ADAMTS2: variants seen among roughly 807,000 people sequenced by gnomAD.
ADAMTS2 encodes A disintegrin and metalloproteinase with thrombospondin motifs 2.
Under a neutral mutation model 123.0 loss-of-function variants are expected in ADAMTS2, and 50 were observed. That is an observed-to-expected ratio of 0.41 (90% CI 0.32 to 0.51). The LOEUF is 0.51. Ranked by LOEUF, ADAMTS2 falls within the 20% of genes least tolerant of loss-of-function variation. The pLI, the probability that ADAMTS2 is intolerant of heterozygous loss-of-function variation, is 0.35. For missense variants in ADAMTS2, 1,494 were observed against 1,705.2 expected (o/e 0.88, Z 2.18); for synonymous variants, 678 against 695.4 (o/e 0.98, Z 0.39).
At chr5:179,232,663 C>A (rs2113433091) in intron 3 of ADAMTS2, among the ~76,000 whole-genome samples, 1 of 152,320 alleles carries the variant, frequency 6.6e-6, no homozygotes, top group Admixed American at 6.5e-5. Context: ...CAGGTCCTGC[C>A]ACTCAGACGA....
rs555909124 is a variant in ADAMTS2 at position 179,156,263 on chromosome 5, C to T, written c.1133-1344G>A. On this transcript the variant is annotated intron_variant, in intron 6 of 21. Coordinates refer to ENST00000251582, the MANE Select transcript of ADAMTS2 (RefSeq NM_014244.5). ...TCTTATTAGATAGAGTGTGCCTCCT[C>T]GATGGAGGGTCTGTCTCCTAACTTT... 2.0e-4 allele frequency among the ~76,000 whole-genome samples: 31 copies of T among 151,796 alleles called. 1 individual carries two copies. Among genetic ancestry groups the T allele is most frequent in the Non-Finnish European group, 3.8e-4 (26 of 68,006 alleles).
At chr5:179,302,566 C>T (rs1039562479) in intron 2 of ADAMTS2, among the ~76,000 whole-genome samples, 1 of 151,960 alleles carries the variant, frequency 6.6e-6, no homozygotes, top group Non-Finnish European at 1.5e-5. Context: ...CCAGCAGCAC[C>T]GATAGATGTG....
intron 3 of ADAMTS2, among the ~76,000 whole-genome samples, chr5:179,226,826 C>T (rs1765302085): frequency 6.6e-6 from 1 of 152,144 alleles, no homozygotes. Context: ...GTAAGGATAT[C>T]CACGGCTGCA....
intron 8 of ADAMTS2, among the ~76,000 whole-genome samples, 192 bp from the exon 9 acceptor site, chr5:179,153,815 G>A (rs956178852): frequency 4.6e-5 from 7 of 152,156 alleles, no homozygotes; most frequent in East Asian, 1.9e-4. Flanking sequence ...TGGCTTGAGC[G>A]GACCCCAGGG....
chr5:179,328,874 T>A (rs1272386284), intron 2 of ADAMTS2, among the ~76,000 whole-genome samples: 1 of 152,178 alleles, frequency 6.6e-6, no homozygotes, highest in Admixed American at 6.5e-5. Flanking sequence ...CATGAAGATG[T>A]CGTTCATTTG....
At chr5:179,259,523 G>A (rs900559351) in intron 3 of ADAMTS2, among the ~76,000 whole-genome samples, 6 of 152,216 alleles carry the variant, frequency 3.9e-5, no homozygotes, top group Non-Finnish European at 7.3e-5. Context: ...CAACCGCGCA[G>A]GGAACAGTGG....
chr5:179,343,255 T>C (rs1272954846), intron 2 of ADAMTS2, among the ~76,000 whole-genome samples: 7 of 152,100 alleles, frequency 4.6e-5, no homozygotes, highest in Admixed American at 4.6e-4. Flanking sequence ...ACCACACACA[T>C]ATCACGCCAG....
rs1763602478 is a variant in ADAMTS2, at chr5:179,162,140, T to G, written c.976-3261A>C. On this transcript the variant is annotated intron_variant, in intron 5 of 21. Coordinates refer to ENST00000251582, the MANE Select transcript of ADAMTS2 (RefSeq NM_014244.5). The surrounding 1 kb of genome is among the most constrained non-coding windows in gnomAD (Gnocchi z 5.1). ...CCTGCCCTCAGGGTCCTAAGCCCCA[T>G]GTAGTGGGACGGTCCCTTCCGATGC... Among the ~76,000 whole-genome samples the G allele has an allele frequency of 1.3e-5, 2 of 152,174 alleles. No individual in the cohort carries two copies. Among genetic ancestry groups the G allele is most frequent in the South Asian group, 4.1e-4 (2 of 4,830 alleles).
intron 2 of ADAMTS2, among the ~76,000 whole-genome samples, chr5:179,295,734 C>T (rs1397870841): frequency 1.3e-5 from 2 of 152,196 alleles, no homozygotes; most frequent in East Asian, 1.9e-4. Flanking sequence ...CCGTCCATGG[C>T]GGCTGGGGCA....
At chr5:179,318,626 A>G in intron 2 of ADAMTS2, among the ~76,000 whole-genome samples, 1 of 152,184 alleles carries the variant, frequency 6.6e-6, no homozygotes, top group East Asian at 1.9e-4. Flanking sequence ...GCCACTGTCC[A>G]GTGGCTGGCA....
intron 3 of ADAMTS2, among the ~76,000 whole-genome samples, chr5:179,254,266 TAGA>T (rs532664362): frequency 6.8e-4 from 103 of 152,294 alleles, no homozygotes; most frequent in African/African-American, 2.4e-3. Flanking sequence ...GATCAATCCT[TAGA>T]AGGACTCCAG....
At chr5:179,245,567 C>A (rs1406099654) in intron 3 of ADAMTS2, among the ~76,000 whole-genome samples, 1 of 150,658 alleles carries the variant, frequency 6.6e-6, no homozygotes, top group African/African-American at 2.5e-5. Flanking sequence ...GAGATCGAGA[C>A]CATCCTGGCT....
At chr5:179,121,364 C>G (rs1310627328) in intron 21 of ADAMTS2, 3 of 232,724 alleles carry the variant, frequency 1.3e-5, no homozygotes, top group Non-Finnish European at 2.5e-5. Flanking sequence ...GGGCTCGGCC[C>G]GGAGGGTCGC....
rs942998193 is a variant in ADAMTS2 at position 179,272,052 on chromosome 5, C to T, written c.688+859G>A. Reference sequence around the variant, plus strand: ...AGCTCGCAGCTTCCCACTCTCCCAGCAAGAGCCAAGCACAGGCCAGGAGTC... The same window carrying T: ...AGCTCGCAGCTTCCCACTCTCCCAGTAAGAGCCAAGCACAGGCCAGGAGTC... On this transcript the variant is annotated intron_variant, in intron 3 of 21. Coordinates refer to ENST00000251582, the MANE Select transcript of ADAMTS2 (RefSeq NM_014244.5). The surrounding 1 kb of genome is among the most constrained non-coding windows in gnomAD (Gnocchi z 5.8). Among the ~76,000 whole-genome samples the T allele has an allele frequency of 2.6e-5, 4 of 152,236 alleles. No homozygotes were observed. The highest frequency in any genetic ancestry group is 1.3e-4 in the Admixed American group (2 of 15,288).
At position 179,272,145 on chromosome 5, in the gene ADAMTS2, C is replaced by T. The variant is rs115532608; in HGVS notation, c.688+766G>A. Reference sequence around the variant, plus strand: ...CCACATCAGACACCAACCCTGGCTTCACCACAATCCAGGACCAGAGACTGG... The same window carrying T: ...CCACATCAGACACCAACCCTGGCTTTACCACAATCCAGGACCAGAGACTGG... On this transcript the variant is annotated intron_variant, in intron 3 of 21. Coordinates refer to ENST00000251582, the MANE Select transcript of ADAMTS2 (RefSeq NM_014244.5). This position sits in a 1 kb window ranked among gnomAD's most constrained non-coding sequence, Gnocchi z 5.8. Among the ~76,000 whole-genome samples, 1,872 of 152,348 alleles carry T rather than the reference C, an allele frequency of 0.012. 45 individuals carry two copies. The highest frequency in any genetic ancestry group is 0.043 in the African/African-American group (1,794 of 41,580).
intron 3 of ADAMTS2, among the ~76,000 whole-genome samples, chr5:179,238,689 G>A (rs1765591379): frequency 6.6e-6 from 1 of 152,176 alleles, no homozygotes; most frequent in Admixed American, 6.5e-5. Context: ...AATCAAGTGA[G>A]TGAGAAGGAA....
rs777153111 is a variant in ADAMTS2 at position 179,129,886 on chromosome 5, G to T, written c.2457+46C>A. 2 of 1,610,010 alleles carry T rather than the reference G, an allele frequency of 1.2e-6. No individual in the cohort carries two copies. Among genetic ancestry groups the T allele is most frequent in the East Asian group, 4.5e-5 (2 of 44,810 alleles). ...CCCAGGCACCCCCATCCCTCCCCCA[G>T]TGGCCACCCGCACCCTTCCCTGGGC... On this transcript the variant is annotated intron_variant, in intron 16 of 21. Transcript: ENST00000251582. This position sits in a 1 kb window ranked among gnomAD's most constrained non-coding sequence, Gnocchi z 4.1.
rs768756230 is a variant in ADAMTS2, at chr5:179,175,916, G to A, written c.975+5156C>T. Among the ~76,000 whole-genome samples, 6 of 151,850 alleles carry A rather than the reference G, an allele frequency of 4.0e-5. No homozygotes were observed. The highest frequency in any genetic ancestry group is 1.9e-4 in the East Asian group (1 of 5,154). On this transcript the variant is annotated intron_variant, in intron 5 of 21. Transcript: ENST00000251582. This position sits in a 1 kb window ranked among gnomAD's most constrained non-coding sequence, Gnocchi z 4.1. The stretch of plus-strand genomic sequence containing the variant: ...CGGATCTGCTGAGCAAGAAGCTTCC[G>A]TGGAGAAAGTTTTCAGAGACCACCT...
chr5:179,128,235 A>G lies in ADAMTS2; in HGVS notation c.2458-117T>C. 1 of 1,325,832 alleles carries G rather than the reference A, an allele frequency of 7.5e-7. No individual in the cohort carries two copies. The highest frequency in any genetic ancestry group is 1.1e-6 in the Non-Finnish European group (1 of 949,372). 82.1% of individuals were successfully genotyped at this position (1,325,832 alleles called of 1,614,324 possible). A position where few individuals can be genotyped will look rare whatever the true frequency, so the allele number is the denominator to read the frequency against. ...AGGAGTCTCATCATTCATGGCAGTT[A>G]CATTCCATGAAGTCGCCCCGAGCAC... On this transcript the variant is annotated intron_variant, in intron 16 of 21. Transcript: ENST00000251582. The surrounding 1 kb of genome is among the most constrained non-coding windows in gnomAD (Gnocchi z 4.9).
Sources: gnomAD v4.1 joint callset for allele counts (sites outside exome capture counted in the v4.1 genomes callset) on GRCh38, gnomAD v4.1.1 for gene constraint, Gnocchi (gnomAD v3.1) non-coding constraint, MANE v1.5 for transcripts, NCBI Gene and HGNC (gene_info 2026-07-23, HGNC 2026-07-21) for gene names.